Variants in PTPRD observed in about 807,000 individuals in gnomAD.
The protein encoded by PTPRD is receptor-type tyrosine-protein phosphatase delta.
Under a neutral mutation model 214.5 loss-of-function variants are expected in PTPRD, and 34 were observed. That is an observed-to-expected ratio of 0.16 (90% CI 0.12 to 0.21). The LOEUF (loss-of-function observed/expected upper bound fraction) is 0.21. Ranked by LOEUF, PTPRD falls within the 10% of genes least tolerant of loss-of-function variation. The pLI, the probability that PTPRD is intolerant of heterozygous loss-of-function variation, is 1.00. For synonymous variants in PTPRD, 1,128 were observed against 845.7 expected (o/e 1.33, Z -5.79); for missense variants, 2,545 against 2,398.7 (o/e 1.06, Z -1.27).
chr9:10,296,900 A>T (rs2095690805), intron 3 of PTPRD, among the ~76,000 whole-genome samples: 1 of 151,812 alleles, frequency 6.6e-6, no homozygotes, highest in South Asian at 2.1e-4. Flanking sequence ...TCCTGAATTC[A>T]CTAGATTTAT....
At chr9:10,133,843 T>C (rs1040133042) in intron 3 of PTPRD, among the ~76,000 whole-genome samples, 1 of 152,192 alleles carries the variant, frequency 6.6e-6, no homozygotes, top group Non-Finnish European at 1.5e-5. Context: ...ATAATCACTG[T>C]GCTTAGTGCT....
At chr9:10,380,168 T>C (rs1307149634) in intron 2 of PTPRD, among the ~76,000 whole-genome samples, 1 of 152,072 alleles carries the variant, frequency 6.6e-6, no homozygotes, top group African/African-American at 2.4e-5. Context: ...TGATTTCTAA[T>C]TAACGTTCAA....
chr9:9,320,099 C>A (rs1038985024), intron 9 of PTPRD, among the ~76,000 whole-genome samples: 1 of 152,028 alleles, frequency 6.6e-6, no homozygotes, highest in South Asian at 2.1e-4. Context: ...TTATTTGAAA[C>A]AGAATAAAAA....
At chr9:9,790,415 T>C (rs34495342) in intron 5 of PTPRD, among the ~76,000 whole-genome samples, 2,099 of 152,328 alleles carry the variant, frequency 0.014, 44 homozygotes, top group African/African-American at 0.048. Context: ...GTTTTCTCTA[T>C]GAAATCTTAA....
At chr9:9,175,024 T>A (rs775346844) in intron 10 of PTPRD, among the ~76,000 whole-genome samples, 1 of 152,066 alleles carries the variant, frequency 6.6e-6, no homozygotes, top group Non-Finnish European at 1.5e-5. Context: ...CTTTCCACTA[T>A]ATGACATAGC....
chr9:9,693,299 A>G (rs2803374), intron 7 of PTPRD, among the ~76,000 whole-genome samples: 90,367 of 151,206 alleles, frequency 0.6, 27,171 homozygotes, highest in East Asian at 0.66. Flanking sequence ...GGGTTAGGGG[A>G]ATGGTTTCCC....
chr9:10,231,051 A>G (rs963958652), intron 3 of PTPRD, among the ~76,000 whole-genome samples: 9 of 151,984 alleles, frequency 5.9e-5, no homozygotes, highest in African/African-American at 1.9e-4. Flanking sequence ...TGGACTGGTC[A>G]AAAGGAAGAC....
chr9:9,216,062 G>A (rs1215379157), intron 9 of PTPRD, among the ~76,000 whole-genome samples: 2 of 152,074 alleles, frequency 1.3e-5, no homozygotes, highest in African/African-American at 4.8e-5. Flanking sequence ...TGCCTGATTG[G>A]AATTTTGATT....
chr9:9,288,553 T>G (rs1950208199), intron 9 of PTPRD, among the ~76,000 whole-genome samples: 2 of 151,932 alleles, frequency 1.3e-5, no homozygotes, highest in Admixed American at 6.6e-5. Context: ...AGAAAATTAT[T>G]AATCAATATT....
chr9:8,877,058 C>A (rs2098399979), intron 11 of PTPRD, among the ~76,000 whole-genome samples: 1 of 151,984 alleles, frequency 6.6e-6, no homozygotes, highest in African/African-American at 2.4e-5. Context: ...TCCCGAGTAG[C>A]TGGGACTATG....
At chr9:10,551,835 T>G (rs1590723891) in intron 2 of PTPRD, among the ~76,000 whole-genome samples, 1 of 152,138 alleles carries the variant, frequency 6.6e-6, no homozygotes, top group Admixed American at 6.6e-5. Flanking sequence ...GAAAAAAAAC[T>G]AGTGAAAAAT....
At chr9:8,649,883 C>T (rs1362302565) in intron 12 of PTPRD, among the ~76,000 whole-genome samples, 1 of 151,910 alleles carries the variant, frequency 6.6e-6, no homozygotes, top group Non-Finnish European at 1.5e-5. Context: ...TCTTGGTACG[C>T]AACATTTTAC....
intron 5 of PTPRD, among the ~76,000 whole-genome samples, chr9:9,900,437 C>T (rs559099664): frequency 8.2e-4 from 125 of 152,304 alleles, no homozygotes; most frequent in African/African-American, 2.9e-3. Flanking sequence ...ACCTTTGTTT[C>T]AGTTCCCAAT....
chr9:8,421,641 G>A (rs1171748739), intron 35 of PTPRD, among the ~76,000 whole-genome samples: 1 of 152,054 alleles, frequency 6.6e-6, no homozygotes, highest in Non-Finnish European at 1.5e-5. Context: ...CAAGCCTCAA[G>A]CTGGAGTTTG....
intron 3 of PTPRD, among the ~76,000 whole-genome samples, chr9:10,046,693 T>C (rs1048485603): frequency 3.3e-5 from 5 of 151,962 alleles, no homozygotes; most frequent in Admixed American, 6.6e-5. Context: ...TTACTTGAAA[T>C]GATAAGATGG....
At chr9:9,645,225 T>C (rs1427263166) in intron 7 of PTPRD, among the ~76,000 whole-genome samples, 2 of 152,082 alleles carry the variant, frequency 1.3e-5, no homozygotes, top group African/African-American at 2.4e-5. Context: ...AAGGGAGCCT[T>C]GTGGGCCCTT....
At chr9:9,629,263 C>T (rs1229474991) in intron 7 of PTPRD, among the ~76,000 whole-genome samples, 4 of 128,180 alleles carry the variant, frequency 3.1e-5, no homozygotes, top group Admixed American at 7.6e-5. Context: ...TATATGAACA[C>T]TTTATGTATG....
intron 5 of PTPRD, among the ~76,000 whole-genome samples, chr9:9,799,228 G>C (rs971901917): frequency 1.3e-5 from 2 of 152,092 alleles, no homozygotes; most frequent in African/African-American, 4.8e-5. Context: ...TAATAGATTA[G>C]GTTGAGATAA....
At chr9:8,580,153 G>A (rs1564487640) in intron 14 of PTPRD, among the ~76,000 whole-genome samples, 1 of 152,182 alleles carries the variant, frequency 6.6e-6, no homozygotes, top group Admixed American at 6.5e-5. Context: ...AAATGTTTAT[G>A]GAAAGTGTTA....
Sources: allele counts gnomAD v4.1 joint callset (sites outside exome capture counted in the v4.1 genomes callset), GRCh38; gene constraint gnomAD v4.1.1; transcripts MANE v1.5; gene names NCBI Gene and HGNC (gene_info 2026-07-23, HGNC 2026-07-21).